DNAH3: variants seen among roughly 807,000 people sequenced by gnomAD.
The protein encoded by DNAH3 is axonemal beta dynein heavy chain 3.
DNAH3 carries 332 observed loss-of-function variants against 432.5 expected under a neutral mutation model. The observed-to-expected ratio is 0.77, with a 90% CI of 0.70 to 0.84. DNAH3 has a LOEUF of 0.84. Among genes scored for constraint, DNAH3 ranks in the 40% least tolerant of loss-of-function variants. The probability of loss-of-function intolerance (pLI) is 0.00; values close to 1 mark genes in which losing one functional copy is unlikely to be tolerated. For synonymous variants in DNAH3, 1,956 were observed against 1,900.2 expected, an observed-to-expected ratio of 1.03 and a Z score of -0.76; for missense variants, 4,861 against 5,114.0, an observed-to-expected ratio of 0.95 and a Z score of 1.51.
At chr16:21,115,720 A>T (rs1168856194) in intron 12 of DNAH3, among the ~76,000 whole-genome samples, 5 of 139,514 alleles carry the variant, frequency 3.6e-5, no homozygotes, top group African/African-American at 1.0e-4. Flanking sequence ...AAATAATAAA[A>T]TAAATAAAAT....
chr16:21,023,757 T>C (rs922427463), intron 39 of DNAH3, among the ~76,000 whole-genome samples: 1 of 151,284 alleles, frequency 6.6e-6, no homozygotes, highest in African/African-American at 2.4e-5. Context: ...TAAATGACTT[T>C]ACATATATGG....
intron 20 of DNAH3, among the ~76,000 whole-genome samples, chr16:21,076,953 G>C (rs1441315080): frequency 6.6e-6 from 1 of 151,990 alleles, no homozygotes; most frequent in Admixed American, 6.6e-5. Context: ...CAGCATCCCT[G>C]GTCTCTACCC....
At chr16:21,056,656 G>A (rs903002068) in intron 27 of DNAH3, among the ~76,000 whole-genome samples, 2 of 152,142 alleles carry the variant, frequency 1.3e-5, no homozygotes, top group African/African-American at 4.8e-5. Flanking sequence ...TTGGAGGAAG[G>A]GAAGGATGAT....
At chr16:21,011,865 CATTT>C (rs2087619425) in intron 41 of DNAH3, among the ~76,000 whole-genome samples, 1 of 152,156 alleles carries the variant, frequency 6.6e-6, no homozygotes, top group Admixed American at 6.6e-5. Context: ...AAATTGCTCA[CATTT>C]ATTTAACATT....
At chr16:21,047,958 G>T (rs1373693704) in intron 31 of DNAH3, among the ~76,000 whole-genome samples, 1 of 152,028 alleles carries the variant, frequency 6.6e-6, no homozygotes, top group African/African-American at 2.4e-5. Context: ...GTGTGCCCCT[G>T]CTGGGGGGTG....
At chr16:21,083,036 A>G (rs1168187130) in intron 19 of DNAH3, among the ~76,000 whole-genome samples, 1 of 121,564 alleles carries the variant, frequency 8.2e-6, no homozygotes, top group African/African-American at 3.3e-5. Flanking sequence ...TTTTTTTTTG[A>G]GAGAGAGTCT....
At chr16:21,131,475 G>GA (rs1555570378) in intron 7 of DNAH3, among the ~76,000 whole-genome samples, 1 of 17,946 alleles carries the variant, frequency 5.6e-5, no homozygotes, top group African/African-American at 2.6e-4. Flanking sequence ...AAGGAAGGAA[G>GA]GAAGAAAGAA....
intron 41 of DNAH3, among the ~76,000 whole-genome samples, chr16:21,013,297 A>G (rs1218944800): frequency 6.6e-6 from 1 of 151,980 alleles, no homozygotes; most frequent in Non-Finnish European, 1.5e-5. Flanking sequence ...TAGGAAGGTG[A>G]GACAGGTGGA....
chr16:21,150,685 T>G (rs538402629), intron 1 of DNAH3, 66 bp downstream of exon 1: 3 of 186,028 alleles, frequency 1.6e-5, no homozygotes, highest in African/African-American at 7.1e-5. Context: ...AGAAACACAC[T>G]GAGTTCACTG....
At chr16:20,939,888 G>C (rs2083740303) in intron 59 of DNAH3, among the ~76,000 whole-genome samples, 1 of 152,150 alleles carries the variant, frequency 6.6e-6, no homozygotes, top group African/African-American at 2.4e-5. Flanking sequence ...TCCTCATCTG[G>C]CCTAGATGGT....
chr16:21,039,777 C>T (rs2089343743), intron 33 of DNAH3, 75 bp downstream of exon 33: 9 of 1,104,054 alleles, frequency 8.2e-6, no homozygotes, highest in Non-Finnish European at 1.3e-5. Context: ...AATGGGCAAA[C>T]CACCTTGAAT....
intron 24 of DNAH3, among the ~76,000 whole-genome samples, chr16:21,065,502 G>A (rs1035523331): frequency 1.3e-5 from 2 of 152,106 alleles, no homozygotes; most frequent in African/African-American, 4.8e-5. Context: ...AGTGGGTCTA[G>A]AACTAGAAGC....
Position 21,086,994 on chromosome 16 carries a change from T to C in DNAH3, c.2732A>G (p.Tyr911Cys). ...ATCAGACAAGGTCTTGATCAGTTTA[T>C]ACGTTGTCCTCCACATATTCCCTAT... The change falls in exon 19 of 62, where the codon TAT (tyrosine) becomes TGT (cysteine). Residue 911 changes from tyrosine (Y) to cysteine (C), a missense_variant. By Grantham distance (194) the Tyr-to-Cys change is radical. Transcript: ENST00000261383. 8 of 1,614,222 alleles carry C rather than the reference T, an allele frequency of 5.0e-6. 1 individual carries two copies. In the East Asian group the frequency reaches 1.3e-4, roughly 27 times the overall value.
intron 55 of DNAH3, 89 bp from the exon 56 acceptor site, chr16:20,952,638 T>C: frequency 1.2e-6 from 1 of 844,562 alleles, no homozygotes; most frequent in Non-Finnish European, 2.0e-6. Context: ...AGCATCATTA[T>C]GGATCAAAAG....
chr16:20,984,203 G>A (rs1198408902), intron 48 of DNAH3, among the ~76,000 whole-genome samples: 1 of 151,230 alleles, frequency 6.6e-6, no homozygotes, highest in Non-Finnish European at 1.5e-5. Context: ...GTGTGCGCAT[G>A]CGTGCGTGTG....
At chr16:21,070,720 G>A in exon 22 of DNAH3, 1 of 1,605,804 alleles carries the variant, frequency 6.2e-7, no homozygotes, top group African/African-American at 1.3e-5. Flanking sequence ...CCGGCATTCT[G>A]CTTCTATTGG....
chr16:21,082,944 A>G (rs2091243547), intron 19 of DNAH3, among the ~76,000 whole-genome samples: 1 of 149,396 alleles, frequency 6.7e-6, no homozygotes, highest in South Asian at 2.2e-4. Flanking sequence ...ACCTTGTTCC[A>G]TCTTGCTTTT....
intron 24 of DNAH3, among the ~76,000 whole-genome samples, chr16:21,065,967 C>G (rs181746582): frequency 6.6e-6 from 1 of 152,038 alleles, no homozygotes; most frequent in African/African-American, 2.4e-5. Flanking sequence ...GCTGGGATTA[C>G]AGGTGCCCCC....
chr16:21,034,175 C>A, intron 35 of DNAH3, 90 bp from the exon 36 acceptor site: 1 of 808,458 alleles, frequency 1.2e-6, no homozygotes, highest in Non-Finnish European at 2.0e-6. Context: ...AATGAGGGGT[C>A]AGAAGAGGAT....
Sources: gnomAD v4.1 joint callset for allele counts (sites outside exome capture counted in the v4.1 genomes callset) on GRCh38, gnomAD v4.1.1 for gene constraint, MANE v1.5 for transcripts, NCBI Gene and HGNC (gene_info 2026-07-23, HGNC 2026-07-21) for gene names.